Variants in SPC25 observed in about 807,000 individuals in gnomAD.
SPC25 encodes kinetochore protein Spc25.
In SPC25, 22 loss-of-function variants were observed where a neutral mutation model predicts 29.6. The ratio of observed to expected loss-of-function variants is 0.74; its 90% confidence interval spans 0.53 to 1.06. The LOEUF is 1.06. Ranked by LOEUF, SPC25 falls within the 50% of genes least tolerant of loss-of-function variation. The probability of loss-of-function intolerance (pLI) is 0.00; values close to 1 mark genes in which losing one functional copy is unlikely to be tolerated. For missense variants in SPC25, 230 were observed against 255.8 expected, an observed-to-expected ratio of 0.90 and a Z score of 0.69; for synonymous variants, 91 against 90.4, an observed-to-expected ratio of 1.01 and a Z score of -0.04.
chr2:168,881,656 A>G (rs912888734), intron 3 of SPC25, among the ~76,000 whole-genome samples: 10 of 152,350 alleles, frequency 6.6e-5, no homozygotes, highest in Admixed American at 1.3e-4. Context: ...ATGAAATCTA[A>G]ACACTTTAAA....
rs1574357824 is a variant in SPC25, at chr2:168,871,489, T to C, written c.617A>G (p.Asn206Ser). ...AACATTGGCAAGAAAAGCTGAAAAA[T>C]TGTTGGTCTTCCTTACATTCTCTTG... ...EFQENVRKTN[N>S]FSAFLANVRK... Residue 206 changes from asparagine to serine, a missense_variant, in exon 7 of 7, where the codon AAT becomes AGT. Coordinates refer to ENST00000282074, the MANE Select transcript of SPC25 (RefSeq NM_020675.4). 2 of 1,611,114 alleles carry C rather than the reference T, an allele frequency of 1.2e-6. No individual in the cohort carries two copies. The highest frequency in any genetic ancestry group is 2.2e-5 in the South Asian group (2 of 90,422).
chr2:168,888,644 G>A (rs1007457001), intron 3 of SPC25, among the ~76,000 whole-genome samples: 1 of 151,848 alleles, frequency 6.6e-6, no homozygotes, highest in African/African-American at 2.4e-5. Flanking sequence ...GGTGGGAGAA[G>A]GTGTAACATA....
At position 168,873,691 on chromosome 2, in the gene SPC25, G is replaced by T; in HGVS notation, c.452-8C>A. 6.3e-7 allele frequency: 1 copy of T among 1,575,610 alleles called. No individual in the cohort carries two copies. The highest frequency in any genetic ancestry group is 8.7e-7 in the Non-Finnish European group (1 of 1,146,090). ...TAAACTGCAATTTCTCACCTGAAAAGAGATTAAACTATTTAGTGTGTCAAA... is the reference window on the plus strand; with the variant it reads ...TAAACTGCAATTTCTCACCTGAAAATAGATTAAACTATTTAGTGTGTCAAA... On this transcript the variant is annotated splice_polypyrimidine_tract_variant and splice_region_variant and intron_variant, in intron 5 of 6. Transcript: ENST00000282074.
chr2:168,879,506 A>C (rs1690139705), intron 3 of SPC25, among the ~76,000 whole-genome samples: 1 of 152,198 alleles, frequency 6.6e-6, no homozygotes, highest in African/African-American at 2.4e-5. Flanking sequence ...TTCAGGCTCC[A>C]CTTCTAAATC....
chr2:168,875,169 T>C lies in SPC25; in HGVS notation c.451+903A>G, dbSNP rs1690063945. On this transcript the variant is annotated intron_variant, in intron 5 of 6. Transcript: ENST00000282074. The stretch of plus-strand genomic sequence containing the variant: ...ACTGGTTTACAATAGTCCCCCTTTA[T>C]CCACCAGGGAGAAATATGTTCCAAG... Among the ~76,000 whole-genome samples, 5 of 152,150 alleles carry C rather than the reference T, an allele frequency of 3.3e-5. No homozygotes were observed. The South Asian group carries it at 1.0e-3, about 32-fold the overall frequency.
At chr2:168,863,628 G>C (rs1689628102) in intron 4 of SPC25, 1 of 983,998 alleles carries the variant, frequency 1.0e-6, no homozygotes, top group Non-Finnish European at 1.2e-6. Context: ...GTTGAATGGG[G>C]AGTTACATTT....
chr2:168,863,186 G>T (rs780456316), intron 4 of SPC25, among the ~76,000 whole-genome samples: 1 of 152,132 alleles, frequency 6.6e-6, no homozygotes, highest in Non-Finnish European at 1.5e-5. Context: ...GAAACACGAC[G>T]TTGGAGCCTT....
rs890687383 is a variant in SPC25, at chr2:168,890,059, G to A, written c.-15+259C>T. Among the ~76,000 whole-genome samples, 8 of 152,108 alleles carry A rather than the reference G, an allele frequency of 5.3e-5. No homozygotes were observed. The South Asian group carries it at 1.7e-3, about 31-fold the overall frequency. ...GGCCTCAGTATCCTCTGTAAAAGGA[G>A]GTCCTGGGAGAATCCTGGACCCACC... is the stretch of plus-strand genomic sequence containing the variant. On this transcript the variant is annotated intron_variant, in intron 1 of 6. Transcript: ENST00000282074.
chr2:168,863,732 TAAGAA>T lies in SPC25; in HGVS notation n.419+9848_419+9852del, dbSNP rs1335245888. The T allele has an allele frequency of 5.4e-5, 46 of 847,304 alleles. No homozygotes were observed. The Admixed American group carries it at 9.9e-4, about 18-fold the overall frequency. The allele number at this position is 847,304 out of a possible 1,614,324, so 52.5% of individuals were successfully genotyped here. On this transcript the variant is annotated intron_variant and non_coding_transcript_variant, in intron 4 of 4. Transcript: ENST00000479309. Reference sequence around the variant, plus strand: ...TAATGCAGAGACATTGTCTTGATCTTAAGAAAAGACTGTTGGTGAGACATACTTAT... The same window carrying T: ...TAATGCAGAGACATTGTCTTGATCTTAAGACTGTTGGTGAGACATACTTAT...
chr2:168,883,486 A>G (rs78200061), intron 3 of SPC25, among the ~76,000 whole-genome samples: 1,680 of 152,344 alleles, frequency 0.011, 19 homozygotes, highest in Non-Finnish European at 0.018. Context: ...AGAAATTCAG[A>G]TTGAAAGTCA....
intron 4 of SPC25, chr2:168,861,963 C>G (rs1689482469): frequency 6.2e-7 from 1 of 1,614,000 alleles, no homozygotes; most frequent in Non-Finnish European, 8.5e-7. Context: ...ATTTCAGCCC[C>G]TGGTGCAGCC....
intron 4 of SPC25, among the ~76,000 whole-genome samples, chr2:168,864,102 G>GGACTA (rs1257135439): frequency 6.6e-6 from 1 of 151,952 alleles, no homozygotes; most frequent in African/African-American, 2.4e-5. Flanking sequence ...CAAATAGCTG[G>GGACTA]GACTACAGGC....
intron 3 of SPC25, among the ~76,000 whole-genome samples, chr2:168,882,466 G>A (rs1229763436): frequency 6.6e-6 from 1 of 152,212 alleles, no homozygotes; most frequent in East Asian, 1.9e-4. Flanking sequence ...TGAGCTGGGC[G>A]TGGTGGCGTG....
chr2:168,880,311 T>C (rs1355910132), intron 3 of SPC25, among the ~76,000 whole-genome samples: 2 of 152,258 alleles, frequency 1.3e-5, no homozygotes, highest in African/African-American at 4.8e-5. Context: ...AGCTTCTACA[T>C]TAGCACTTCT....
intron 5 of SPC25, among the ~76,000 whole-genome samples, chr2:168,875,843 T>C (rs909771146): frequency 3.3e-5 from 5 of 152,144 alleles, no homozygotes; most frequent in African/African-American, 1.2e-4. Flanking sequence ...CAAAAATTAT[T>C]TGCATGTTGA....
At chr2:168,874,362 C>A (rs10206400) in intron 5 of SPC25, among the ~76,000 whole-genome samples, 31,100 of 152,112 alleles carry the variant, frequency 0.2, 4,230 homozygotes, top group Non-Finnish European at 0.3. Context: ...TATGACCCAG[C>A]AATTCCACTC....
At chr2:168,874,064 G>T (rs1262082061) in intron 5 of SPC25, among the ~76,000 whole-genome samples, 1 of 151,994 alleles carries the variant, frequency 6.6e-6, no homozygotes, top group Non-Finnish European at 1.5e-5. Context: ...TCAATAATGG[G>T]CAAAAAATCT....
At chr2:168,883,452 A>G (rs1690208571) in intron 3 of SPC25, among the ~76,000 whole-genome samples, 1 of 152,218 alleles carries the variant, frequency 6.6e-6, no homozygotes, top group African/African-American at 2.4e-5. Context: ...TAAAGAAAAA[A>G]ATTAAGTAGA....
At chr2:168,864,506 G>A (rs551354152) in intron 4 of SPC25, among the ~76,000 whole-genome samples, 27 of 152,102 alleles carry the variant, frequency 1.8e-4, no homozygotes, top group Non-Finnish European at 3.1e-4. Context: ...GGCTGGTCTC[G>A]AAACTCCTGA....
Sources: gnomAD v4.1 joint callset for allele counts (sites outside exome capture counted in the v4.1 genomes callset) on GRCh38, gnomAD v4.1.1 for gene constraint, MANE v1.5 for transcripts, NCBI Gene and HGNC (gene_info 2026-07-23, HGNC 2026-07-21) for gene names.